IL18RAP: variants seen among roughly 807,000 people sequenced by gnomAD.
IL18RAP encodes interleukin 18 receptor accessory protein.
In IL18RAP, 37 loss-of-function variants were observed where a neutral mutation model predicts 58.1. The observed-to-expected ratio is 0.64, with a 90% CI of 0.49 to 0.84. The LOEUF is 0.84. IL18RAP is among the 40% of genes least tolerant of loss of function. IL18RAP has a pLI of 0.00. For missense variants in IL18RAP, 667 were observed against 704.8 expected, an observed-to-expected ratio of 0.95 and a Z score of 0.61; for synonymous variants, 268 against 257.5, an observed-to-expected ratio of 1.04 and a Z score of -0.39.
At chr2:102,439,034 A>G (rs1682934995) in intron 4 of IL18RAP, 3 of 152,306 alleles carry the variant, frequency 2.0e-5, no homozygotes, top group Admixed American at 2.0e-4. Context: ...GCTGATGTCC[A>G]GGAGATGAAG....
intron 7 of IL18RAP, 103 bp from the exon 8 acceptor site, chr2:102,446,967 A>C: frequency 1.7e-4 from 200 of 1,206,808 alleles, no homozygotes; most frequent in Non-Finnish European, 2.1e-4. Flanking sequence ...ATAAAATAAT[A>C]GAGCTGGAAA....
upstream of IL18RAP, among the ~76,000 whole-genome samples, chr2:102,421,103 C>G (rs1225295944): frequency 6.6e-6 from 1 of 152,214 alleles, no homozygotes; most frequent in African/African-American, 2.4e-5. Context: ...CAGCTAGGCA[C>G]TATTCCTGCA....
upstream of IL18RAP, among the ~76,000 whole-genome samples, chr2:102,420,638 G>A (rs2104278487): frequency 6.6e-6 from 1 of 152,316 alleles, no homozygotes; most frequent in South Asian, 2.1e-4. Flanking sequence ...GAGCTGGGAG[G>A]ATCTTAGCAA....
At chr2:102,421,455 C>A (rs553963814), upstream of IL18RAP, among the ~76,000 whole-genome samples, 1 of 152,288 alleles carries the variant, frequency 6.6e-6, no homozygotes, top group African/African-American at 2.4e-5. Context: ...AATGCCCAGG[C>A]TTGCTGCTTA....
chr2:102,431,618 A>G (rs1467161878), intron 3 of IL18RAP, among the ~76,000 whole-genome samples: 2 of 151,804 alleles, frequency 1.3e-5, no homozygotes, highest in African/African-American at 2.4e-5. Context: ...TCCTCTGACT[A>G]GATAATTTCA....
rs1683787064 is a variant in IL18RAP at position 102,451,836 on chromosome 2, T to C, written c.1455T>C (p.Tyr485=). The C allele has an allele frequency of 1.9e-6, 3 of 1,613,826 alleles. No homozygotes were observed. The highest frequency in any genetic ancestry group is 2.5e-6 in the Non-Finnish European group (3 of 1,179,674). ...GAATATTTATCTTGAGCCCCAACTA[T>C]GTCAATGGACCCAGTATCTTTGAAC... ...RRGIFILSPN[Y]VNGPSIFELQ... The change falls in exon 10 of 10, where the codon TAT becomes TAC. Residue 485 remains tyrosine (Y), a synonymous_variant. Coordinates refer to ENST00000687160, the MANE Select transcript of IL18RAP (RefSeq NM_001393487.1).
intron 6 of IL18RAP, among the ~76,000 whole-genome samples, chr2:102,444,614 T>G (rs1683303411): frequency 6.6e-6 from 1 of 152,210 alleles, no homozygotes; most frequent in Non-Finnish European, 1.5e-5. Context: ...GATTGGTAAC[T>G]TCAGAGAACT....
At chr2:102,429,169 C>A (rs978787384) in intron 3 of IL18RAP, among the ~76,000 whole-genome samples, 1 of 151,784 alleles carries the variant, frequency 6.6e-6, no homozygotes, top group Non-Finnish European at 1.5e-5. Flanking sequence ...CTTGTACTGG[C>A]CTTTTCTGGC....
chr2:102,449,556 G>A (rs1282895933), intron 8 of IL18RAP, among the ~76,000 whole-genome samples: 1 of 152,104 alleles, frequency 6.6e-6, no homozygotes, highest in African/African-American at 2.4e-5. Context: ...CAGTTTTCAA[G>A]CACGGGGATG....
At chr2:102,429,826 T>C (rs1235197945) in intron 3 of IL18RAP, among the ~76,000 whole-genome samples, 1 of 152,022 alleles carries the variant, frequency 6.6e-6, no homozygotes, top group Non-Finnish European at 1.5e-5. Context: ...TTTATCCCAT[T>C]GGTTGTTTAG....
At chr2:102,429,103 A>C (rs1682165359) in intron 3 of IL18RAP, among the ~76,000 whole-genome samples, 1 of 151,924 alleles carries the variant, frequency 6.6e-6, no homozygotes, top group Non-Finnish European at 1.5e-5. Flanking sequence ...TTGGTTTGCT[A>C]ATATTTTGTT....
chr2:102,433,616 G>T (rs1351657317), intron 3 of IL18RAP, among the ~76,000 whole-genome samples: 1 of 152,024 alleles, frequency 6.6e-6, no homozygotes, highest in Non-Finnish European at 1.5e-5. Context: ...TAGAGACTTG[G>T]CTCACTGCAA....
Position 102,451,757 on chromosome 2 carries a change from T to G in IL18RAP, c.1385-9T>G. 6.3e-7 allele frequency: 1 copy of G among 1,593,562 alleles called. No individual in the cohort carries two copies. The highest frequency in any genetic ancestry group is 8.6e-7 in the Non-Finnish European group (1 of 1,168,286). ...ATCCATTGCAAATAATCAAATGTTT[T>G]ATTTCCAGTGTATGCAGAAGACATT... is the stretch of plus-strand genomic sequence containing the variant. On this transcript the variant is annotated splice_polypyrimidine_tract_variant and intron_variant, in intron 9 of 9. Coordinates refer to ENST00000687160, the MANE Select transcript of IL18RAP (RefSeq NM_001393487.1).
intron 9 of IL18RAP, among the ~76,000 whole-genome samples, chr2:102,451,359 C>G (rs1020973846): frequency 1.3e-5 from 2 of 152,212 alleles, no homozygotes; most frequent in Admixed American, 6.5e-5. Flanking sequence ...TTCCACAAAG[C>G]TCACTCAGCA....
intron 3 of IL18RAP, among the ~76,000 whole-genome samples, chr2:102,428,450 T>C (rs573635485): frequency 3.6e-4 from 54 of 151,892 alleles, no homozygotes; most frequent in African/African-American, 1.3e-3. Context: ...CCAACTATTT[T>C]ACTATGTTAG....
At chr2:102,429,339 T>G (rs1399621195) in intron 3 of IL18RAP, among the ~76,000 whole-genome samples, 1 of 151,994 alleles carries the variant, frequency 6.6e-6, no homozygotes, top group Admixed American at 6.5e-5. Context: ...TTCTTTTAGG[T>G]TATTCATTTT....
At chr2:102,450,203 C>CCTATGAAA (rs1488158904) in intron 8 of IL18RAP, among the ~76,000 whole-genome samples, 2 of 836 alleles carry the variant, frequency 2.4e-3, no homozygotes, top group Non-Finnish European at 6.3e-3. Context: ...ATGAAGTATG[C>CCTATGAAA]ATATGAAAAT....
chr2:102,424,178 C>T lies in IL18RAP; in HGVS notation c.395+43C>T, dbSNP rs117459386. Reference sequence around the variant, plus strand: ...TTCTATCTGAAAACATTTCCAAATCCTCTATTATCTAGACAAAATATCTAT... The same window carrying T: ...TTCTATCTGAAAACATTTCCAAATCTTCTATTATCTAGACAAAATATCTAT... On this transcript the variant is annotated intron_variant, in intron 2 of 9. Coordinates refer to ENST00000687160, the MANE Select transcript of IL18RAP (RefSeq NM_001393487.1). The T allele has an allele frequency of 1.5e-5, 24 of 1,606,398 alleles. No homozygotes were observed. The East Asian group carries it at 4.9e-4, about 33-fold the overall frequency.
At chr2:102,432,544 C>T (rs1682448057) in intron 3 of IL18RAP, among the ~76,000 whole-genome samples, 1 of 152,186 alleles carries the variant, frequency 6.6e-6, no homozygotes. Flanking sequence ...TGCTGCTCAG[C>T]AATTTGGGAT....
Sources: gnomAD v4.1 joint callset for allele counts (sites outside exome capture counted in the v4.1 genomes callset) on GRCh38, gnomAD v4.1.1 for gene constraint, MANE v1.5 for transcripts, NCBI Gene and HGNC (gene_info 2026-07-23, HGNC 2026-07-21) for gene names.